The following AGBL4 variants were observed in gnomAD, a reference collection of about 807,000 sequenced individuals.
AGBL4 encodes cytosolic carboxypeptidase 6.
A neutral mutation model predicts 66.4 loss-of-function variants in AGBL4; 58 were observed. The ratio of observed to expected loss-of-function variants is 0.87; its 90% CI spans 0.71 to 1.09. The LOEUF (loss-of-function observed/expected upper bound fraction) is 1.09. Among genes scored for constraint, AGBL4 ranks in the 50% least tolerant of loss-of-function variants. The pLI, the probability that AGBL4 is intolerant of heterozygous loss-of-function variation, is 0.00. For missense variants in AGBL4, 579 were observed against 631.0 expected (o/e 0.92, Z 0.88); for synonymous variants, 234 against 222.9 (o/e 1.05, Z -0.44).
chr1:48,613,191 T>C (rs1411093516), intron 9 of AGBL4, among the ~76,000 whole-genome samples: 2 of 152,066 alleles, frequency 1.3e-5, no homozygotes, highest in African/African-American at 4.8e-5. Context: ...TTTAAAACTA[T>C]AGTTTGAATT....
intron 9 of AGBL4, among the ~76,000 whole-genome samples, chr1:48,597,740 G>T (rs1268452096): frequency 1.4e-5 from 2 of 141,030 alleles, no homozygotes; most frequent in East Asian, 4.2e-4. Context: ...GGGGAGGGGA[G>T]GGGAGACAGA....
intron 2 of AGBL4, among the ~76,000 whole-genome samples, chr1:49,706,210 C>G (rs373570965): frequency 1.3e-5 from 2 of 152,102 alleles, no homozygotes; most frequent in Non-Finnish European, 2.9e-5. Context: ...CTCTTAATTA[C>G]TGCCTCAACT....
chr1:49,942,628 A>G (rs1654866489), intron 1 of AGBL4, among the ~76,000 whole-genome samples: 1 of 152,200 alleles, frequency 6.6e-6, no homozygotes, highest in Non-Finnish European at 1.5e-5. Context: ...TTGTCTATCC[A>G]CATGCAAAAG....
intron 3 of AGBL4, among the ~76,000 whole-genome samples, chr1:49,555,157 ATTTTACAAAGAACTGATTGGTCCG>A: frequency 6.6e-6 from 1 of 152,058 alleles, no homozygotes; most frequent in East Asian, 1.9e-4. Flanking sequence ...TGATTGGCCC[ATTTTACAAAGAACTGATTGGTCCG>A]TTTTGACAGG....
intron 12 of AGBL4, 71 bp from the exon 13 acceptor site, chr1:48,534,987 A>C: frequency 7.4e-7 from 1 of 1,356,454 alleles, no homozygotes; most frequent in African/African-American, 1.4e-5. Context: ...AAGAGGTGCT[A>C]TTCATCTGTC....
chr1:49,768,723 A>C (rs1333132206), intron 2 of AGBL4, among the ~76,000 whole-genome samples: 1 of 152,206 alleles, frequency 6.6e-6, no homozygotes, highest in Non-Finnish European at 1.5e-5. Flanking sequence ...TAGAAAAAAA[A>C]GTCAAAATAT....
chr1:49,569,590 AT>A lies in AGBL4; in HGVS notation c.282+127722del, dbSNP rs1030096633. 1.5e-4 allele frequency among the ~76,000 whole-genome samples: 23 copies of A among 151,688 alleles called. No individual in the cohort carries two copies. The South Asian group carries it at 1.6e-3, about 11-fold the overall frequency. On this transcript the variant is annotated intron_variant, in intron 3 of 13. Transcript: ENST00000371839. ...TTTAATATTTGCCTTTGACTTATTTATTTTTTTATATAAATTTATTGGGTAC... is the reference window on the plus strand; with the variant it reads ...TTTAATATTTGCCTTTGACTTATTTATTTTTTATATAAATTTATTGGGTAC...
intron 3 of AGBL4, among the ~76,000 whole-genome samples, chr1:49,467,567 G>A (rs756930705): frequency 2.0e-5 from 3 of 151,772 alleles, no homozygotes; most frequent in Non-Finnish European, 4.4e-5. Context: ...AGCAATGCAG[G>A]ACTACTGTGT....
intron 1 of AGBL4, among the ~76,000 whole-genome samples, chr1:49,916,836 A>C (rs1651566592): frequency 6.6e-6 from 1 of 152,220 alleles, no homozygotes; most frequent in Non-Finnish European, 1.5e-5. Flanking sequence ...GCCAGAGAGA[A>C]AGGTCAGGTT....
chr1:48,814,851 G>A (rs188203020), intron 6 of AGBL4, among the ~76,000 whole-genome samples: 1 of 152,190 alleles, frequency 6.6e-6, no homozygotes, highest in Admixed American at 6.5e-5. Flanking sequence ...TAACAGTTCT[G>A]CAATAAACAT....
chr1:49,085,048 G>C (rs945813036), intron 4 of AGBL4, among the ~76,000 whole-genome samples: 1 of 152,076 alleles, frequency 6.6e-6, no homozygotes, highest in Admixed American at 6.6e-5. Flanking sequence ...GTATTTGTCA[G>C]GGTATTTTCA....
chr1:49,695,245 G>C (rs1646961621), intron 3 of AGBL4, among the ~76,000 whole-genome samples: 1 of 152,064 alleles, frequency 6.6e-6, no homozygotes, highest in Non-Finnish European at 1.5e-5. Context: ...CACTGCTTCA[G>C]AATTATTGTT....
chr1:48,944,370 A>T (rs1021044149), intron 5 of AGBL4, among the ~76,000 whole-genome samples: 4 of 152,104 alleles, frequency 2.6e-5, no homozygotes, highest in African/African-American at 9.7e-5. Flanking sequence ...CTCATACACT[A>T]CTTGAAGAAT....
At chr1:49,671,752 A>C (rs1297777850) in intron 3 of AGBL4, among the ~76,000 whole-genome samples, 2 of 152,222 alleles carry the variant, frequency 1.3e-5, no homozygotes, top group Non-Finnish European at 2.9e-5. Context: ...ATCACTGATC[A>C]TTAGAGAAAT....
intron 4 of AGBL4, among the ~76,000 whole-genome samples, chr1:49,107,711 G>A (rs1645324267): frequency 6.7e-6 from 1 of 150,244 alleles, no homozygotes; most frequent in Non-Finnish European, 1.5e-5. Context: ...GAGAGAGAGA[G>A]AGAGAGAGAG....
At chr1:49,834,375 T>C (rs1645787945) in intron 2 of AGBL4, among the ~76,000 whole-genome samples, 1 of 152,226 alleles carries the variant, frequency 6.6e-6, no homozygotes, top group Admixed American at 6.5e-5. Flanking sequence ...TGCGAAGAAG[T>C]GTTTATGGTA....
chr1:48,846,399 A>AAGAAAGAAAG (rs1646916428), intron 6 of AGBL4, among the ~76,000 whole-genome samples: 3 of 151,530 alleles, frequency 2.0e-5, no homozygotes, highest in Non-Finnish European at 4.4e-5. Context: ...GAAAGAAAGA[A>AAGAAAGAAAG]AGAAAGAAAG....
chr1:49,998,307 CT>C (rs1252847345), intron 1 of AGBL4, among the ~76,000 whole-genome samples: 1 of 152,058 alleles, frequency 6.6e-6, no homozygotes, highest in Non-Finnish European at 1.5e-5. Flanking sequence ...ACTATGAACA[CT>C]TTTATGTGTA....
chr1:48,545,448 T>C (rs1219600477), intron 11 of AGBL4, among the ~76,000 whole-genome samples: 2 of 152,200 alleles, frequency 1.3e-5, no homozygotes, highest in Non-Finnish European at 2.9e-5. Context: ...AGGGATTGAT[T>C]GAACATTTTC....
Sources: gnomAD v4.1 joint callset for allele counts (sites outside exome capture counted in the v4.1 genomes callset) on GRCh38, gnomAD v4.1.1 for gene constraint, MANE v1.5 for transcripts, NCBI Gene and HGNC (gene_info 2026-07-23, HGNC 2026-07-21) for gene names.